Variants in PLEKHH2 observed in about 807,000 individuals in gnomAD.
PLEKHH2 encodes the protein pleckstrin homology domain-containing family H member 2.
A neutral mutation model predicts 187.9 loss-of-function variants in PLEKHH2; 129 were observed. The observed-to-expected ratio is 0.69, with a 90% CI of 0.59 to 0.79. The LOEUF is 0.79. Among genes scored for constraint, PLEKHH2 ranks in the 30% least tolerant of loss-of-function variants. The probability of loss-of-function intolerance (pLI) is 0.00; values close to 1 mark genes in which losing one functional copy is unlikely to be tolerated. For synonymous variants in PLEKHH2, 686 were observed against 605.6 expected, an observed-to-expected ratio of 1.13 and a Z score of -1.95; for missense variants, 2,076 against 1,751.2, an observed-to-expected ratio of 1.19 and a Z score of -3.31.
chr2:43,699,834 C>T lies in PLEKHH2; in HGVS notation c.876C>T (p.Asp292=), dbSNP rs144320544. Residue 292 remains aspartate (D), a synonymous_variant, in exon 8 of 30, where the codon GAC becomes GAT. Transcript: ENST00000282406. The stretch of plus-strand genomic sequence containing the variant: ...GTGACTGGAGCTCTGATGAGGAAGA[C>T]GGGAGCAAAGGAAGATCCAAGTCCA... ...PVSDWSSDEE[D]GSKGRSKSRC... is the part of the protein sequence containing the mutation. 1.3e-3 allele frequency: 2,039 copies of T among 1,611,886 alleles called. 27 individuals are homozygous for T. In the African/African-American group the frequency reaches 0.024, roughly 19 times the overall value.
intron 2 of PLEKHH2, chr2:43,675,856 A>T (rs1303328907): frequency 6.2e-7 from 1 of 1,614,068 alleles, no homozygotes; most frequent in Admixed American, 1.7e-5. Context: ...CCTTGTAAAC[A>T]AAAGGTACTT....
At chr2:43,668,464 A>G (rs1574502719) in intron 2 of PLEKHH2, among the ~76,000 whole-genome samples, 1 of 152,216 alleles carries the variant, frequency 6.6e-6, no homozygotes, top group Admixed American at 6.5e-5. Context: ...CTCTGTATTC[A>G]TAATCATAAA....
At chr2:43,669,536 C>G (rs1041925807) in intron 2 of PLEKHH2, among the ~76,000 whole-genome samples, 12 of 151,692 alleles carry the variant, frequency 7.9e-5, no homozygotes, top group African/African-American at 2.9e-4. Flanking sequence ...ATATAAGACA[C>G]GAATAGCATG....
At chr2:43,764,505 A>T in intron 29 of PLEKHH2, 140 bp downstream of exon 29, 1 of 849,256 alleles carries the variant, frequency 1.2e-6, no homozygotes, top group South Asian at 2.0e-5. Flanking sequence ...GGGAAAACAG[A>T]CGTTATTTAT....
chr2:43,753,037 A>G (rs995277618), intron 24 of PLEKHH2, among the ~76,000 whole-genome samples: 23 of 152,160 alleles, frequency 1.5e-4, no homozygotes, highest in African/African-American at 5.5e-4. Context: ...TTTGAGTTGA[A>G]ACCTTCACTT....
At chr2:43,649,784 G>C (rs6726063) in intron 2 of PLEKHH2, among the ~76,000 whole-genome samples, 86,135 of 152,054 alleles carry the variant, frequency 0.57, 24,861 homozygotes, top group Middle Eastern at 0.66. Flanking sequence ...CTTTCATGGG[G>C]TCTGTGGGGG....
intron 2 of PLEKHH2, among the ~76,000 whole-genome samples, chr2:43,673,390 C>A (rs1275865887): frequency 1.3e-5 from 2 of 152,114 alleles, no homozygotes; most frequent in Non-Finnish European, 2.9e-5. Flanking sequence ...ACAACTGCTA[C>A]CATAATATTT....
Position 43,710,320 on chromosome 2 carries a change from A to G in PLEKHH2, c.2204A>G (p.Tyr735Cys), listed in dbSNP as rs1669894192. The G allele has an allele frequency of 1.9e-6, 3 of 1,613,388 alleles. 1 individual carries two copies. Among genetic ancestry groups the G allele is most frequent in the African/African-American group, 2.7e-5 (2 of 74,910 alleles). Reference sequence around the variant, plus strand: ...CTTAAAGGTGGTGAATTACTTTACTACAAATCTCCGGTGAGTGGAAAGTGT... The same window carrying G: ...CTTAAAGGTGGTGAATTACTTTACTGCAAATCTCCGGTGAGTGGAAAGTGT... The part of the protein sequence containing the change: ...FVLKGGELLY[Y>C]KSPSDVIRKP... The change falls in exon 13 of 30, where the codon TAC (tyrosine) becomes TGC (cysteine). Residue 735 changes from tyrosine to cysteine, a missense_variant. Coordinates refer to ENST00000282406, the MANE Select transcript of PLEKHH2 (RefSeq NM_172069.4).
At chr2:43,730,501 C>G (rs539449676) in intron 18 of PLEKHH2, among the ~76,000 whole-genome samples, 1 of 152,310 alleles carries the variant, frequency 6.6e-6, no homozygotes, top group Non-Finnish European at 1.5e-5. Flanking sequence ...TGGGCTCAAG[C>G]AATCCTCCTG....
At chr2:43,716,242 G>A (rs1442873472) in intron 15 of PLEKHH2, among the ~76,000 whole-genome samples, 1 of 152,110 alleles carries the variant, frequency 6.6e-6, no homozygotes, top group Non-Finnish European at 1.5e-5. Context: ...TAAAGACAAA[G>A]TCCAGAAGAA....
At chr2:43,740,748 A>G (rs751988793) in intron 20 of PLEKHH2, 198 bp from the exon 21 acceptor site, 9 of 971,472 alleles carry the variant, frequency 9.3e-6, no homozygotes, top group African/African-American at 1.7e-5. Context: ...ACACACAACT[A>G]GATGGATCAT....
At chr2:43,676,410 G>C in intron 2 of PLEKHH2, 2 of 1,097,652 alleles carry the variant, frequency 1.8e-6, no homozygotes, top group Non-Finnish European at 2.6e-6. Flanking sequence ...TGGCGGCTGC[G>C]CTCCCGGTTG....
chr2:43,645,310 C>T (rs540330744), intron 2 of PLEKHH2, among the ~76,000 whole-genome samples: 2 of 152,132 alleles, frequency 1.3e-5, no homozygotes, highest in African/African-American at 4.8e-5. Flanking sequence ...ATTTATATTA[C>T]AGGAATTTTT....
At chr2:43,656,948 G>A (rs1666801862) in intron 2 of PLEKHH2, among the ~76,000 whole-genome samples, 1 of 152,210 alleles carries the variant, frequency 6.6e-6, no homozygotes. Context: ...GAGCCCGAGA[G>A]GTGGAGGTTG....
rs111841069 is a variant in PLEKHH2, at chr2:43,655,864, A to G, written c.123+11068A>G. ...GATGCATTTTCATGAAAAGAAAAAAATACACATTCTTTGTTCAGAAAAATC... is the reference window on the plus strand; with the variant it reads ...GATGCATTTTCATGAAAAGAAAAAAGTACACATTCTTTGTTCAGAAAAATC... On this transcript the variant is annotated intron_variant, in intron 2 of 29. Transcript: ENST00000282406. 8.3e-4 allele frequency among the ~76,000 whole-genome samples: 127 copies of G among 152,372 alleles called. No homozygotes were observed. In the East Asian group the frequency reaches 0.016, roughly 19 times the overall value.
At chr2:43,727,092 G>A (rs1482359421) in intron 17 of PLEKHH2, among the ~76,000 whole-genome samples, 1 of 151,290 alleles carries the variant, frequency 6.6e-6, no homozygotes, top group Non-Finnish European at 1.5e-5. Flanking sequence ...CTTTATCTGA[G>A]TTCTGAATCA....
intron 2 of PLEKHH2, chr2:43,675,796 A>G (rs1462791434): frequency 1.2e-6 from 2 of 1,613,700 alleles, no homozygotes; most frequent in African/African-American, 1.3e-5. Context: ...CACGTATTCG[A>G]GGTCTCCAAA....
intron 24 of PLEKHH2, among the ~76,000 whole-genome samples, chr2:43,752,910 A>C (rs1161208231): frequency 6.6e-6 from 1 of 152,220 alleles, no homozygotes; most frequent in African/African-American, 2.4e-5. Context: ...AAAGCTGCTT[A>C]TCAGATTGTG....
intron 14 of PLEKHH2, 66 bp from the exon 15 acceptor site, chr2:43,712,158 CA>C: frequency 6.5e-7 from 1 of 1,545,148 alleles, no homozygotes. Flanking sequence ...GAATAATGAA[CA>C]AGGAAATGCT....
Sources: gnomAD v4.1 joint callset for allele counts (sites outside exome capture counted in the v4.1 genomes callset) on GRCh38, gnomAD v4.1.1 for gene constraint, MANE v1.5 for transcripts, NCBI Gene and HGNC (gene_info 2026-07-23, HGNC 2026-07-21) for gene names.